The following CNTNAP2 variants were observed in gnomAD, a reference collection of about 807,000 sequenced individuals.
CNTNAP2 encodes the protein contactin associated protein 2.
Under a neutral mutation model 155.2 loss-of-function variants are expected in CNTNAP2, and 98 were observed. The observed-to-expected ratio is 0.63, with a 90% CI of 0.54 to 0.75. The LOEUF (loss-of-function observed/expected upper bound fraction) is 0.75, where lower values mean the gene tolerates loss of function less well. Among genes scored for constraint, CNTNAP2 ranks in the 30% least tolerant of loss-of-function variants. The pLI is 0.00. For missense variants in CNTNAP2, 1,727 were observed against 1,688.1 expected (o/e 1.02, Z -0.40); for synonymous variants, 651 against 631.2 (o/e 1.03, Z -0.47).
intron 10 of CNTNAP2, among the ~76,000 whole-genome samples, chr7:147,437,173 G>A (rs1279192191): frequency 3.9e-5 from 6 of 151,960 alleles, no homozygotes; most frequent in African/African-American, 1.5e-4. Flanking sequence ...AGGGATTGCT[G>A]ATATACTGTG....
chr7:147,320,757 A>G (rs1468802406), intron 9 of CNTNAP2, among the ~76,000 whole-genome samples: 1 of 152,200 alleles, frequency 6.6e-6, no homozygotes, highest in Non-Finnish European at 1.5e-5. Flanking sequence ...CTATTTTTCC[A>G]GTGCCTTTTG....
chr7:147,655,842 C>T (rs781689377), intron 13 of CNTNAP2, among the ~76,000 whole-genome samples: 1 of 152,178 alleles, frequency 6.6e-6, no homozygotes, highest in Non-Finnish European at 1.5e-5. Context: ...TGAAGCCAAG[C>T]GTTCACTTTT....
chr7:146,969,376 C>T, intron 3 of CNTNAP2, among the ~76,000 whole-genome samples: 1 of 151,988 alleles, frequency 6.6e-6, no homozygotes, highest in Non-Finnish European at 1.5e-5. Flanking sequence ...TGTTAACTTT[C>T]TGTCTTGTTG....
In CNTNAP2 at chr7:148,217,489, C is replaced by T; in HGVS notation, c.3212C>T (p.Thr1071Ile). 6.2e-7 allele frequency: 1 copy of T among 1,614,190 alleles called. No individual in the cohort carries two copies. Among genetic ancestry groups the T allele is most frequent in the South Asian group, 1.1e-5 (1 of 91,068 alleles). Reference sequence around the variant, plus strand: ...ATTCTCCTCTACATCAGCTCCTTCACCACAGACTTCTTGGCAGTCCTCGTC... The same window carrying T: ...ATTCTCCTCTACATCAGCTCCTTCATCACAGACTTCTTGGCAGTCCTCGTC... ...PCILLYISSFTTDFLAVLVKP... is the reference protein window; with the variant it reads ...PCILLYISSFITDFLAVLVKP... The change falls in exon 19 of 24, where the codon ACC becomes ATC. Residue 1071 changes from threonine to isoleucine, a missense_variant. Transcript: ENST00000361727.
chr7:147,731,971 G>T (rs1254017838), intron 13 of CNTNAP2, among the ~76,000 whole-genome samples: 1 of 152,152 alleles, frequency 6.6e-6, no homozygotes, highest in Non-Finnish European at 1.5e-5. Flanking sequence ...CTGAATTGCT[G>T]TAATTTCATG....
chr7:148,044,417 G>A (rs946195279), intron 15 of CNTNAP2, among the ~76,000 whole-genome samples: 16 of 152,126 alleles, frequency 1.1e-4, no homozygotes, highest in Admixed American at 2.0e-4. Context: ...GCCTTGTGGC[G>A]TGCTATAGTC....
At chr7:146,630,947 T>G (rs527833383) in intron 1 of CNTNAP2, among the ~76,000 whole-genome samples, 1 of 152,244 alleles carries the variant, frequency 6.6e-6, no homozygotes, top group South Asian at 2.1e-4. Flanking sequence ...TGCTCATAGA[T>G]AGGAAGAATC....
intron 21 of CNTNAP2, among the ~76,000 whole-genome samples, chr7:148,275,499 C>A (rs758235457): frequency 6.6e-6 from 1 of 152,188 alleles, no homozygotes; most frequent in Non-Finnish European, 1.5e-5. Context: ...CTGTGTGGCT[C>A]AAAACAGTAG....
intron 13 of CNTNAP2, among the ~76,000 whole-genome samples, chr7:147,806,128 A>G (rs1394696451): frequency 6.6e-6 from 1 of 152,224 alleles, no homozygotes; most frequent in Non-Finnish European, 1.5e-5. Flanking sequence ...ACCAGAACAT[A>G]TAAAGAACAC....
rs182604441 is a variant in CNTNAP2, at chr7:147,425,362, G to T, written c.1670+29582G>T. Among the ~76,000 whole-genome samples, 556 of 152,088 alleles carry T rather than the reference G, an allele frequency of 3.7e-3. 3 individuals are homozygous for T. The highest frequency in any genetic ancestry group is 0.012 in the African/African-American group (516 of 41,490). On this transcript the variant is annotated intron_variant, in intron 10 of 23. Transcript: ENST00000361727. ...GTTGTATTTGCAATATTACCATGGT[G>T]CTTTACTTACAGCCTCTCTCATTGT...
intron 1 of CNTNAP2, among the ~76,000 whole-genome samples, chr7:146,237,488 C>T (rs986058658): frequency 6.6e-5 from 10 of 152,136 alleles, no homozygotes; most frequent in African/African-American, 1.9e-4. Flanking sequence ...CTGATCAATC[C>T]GTAAGTTACA....
intron 12 of CNTNAP2, among the ~76,000 whole-genome samples, chr7:147,632,430 A>T (rs112301301): frequency 0.043 from 6,541 of 152,176 alleles, 487 homozygotes; most frequent in African/African-American, 0.15. Context: ...ATAGTAAGTT[A>T]GTTCTCACGA....
chr7:147,065,404 T>A (rs140595684), intron 4 of CNTNAP2, among the ~76,000 whole-genome samples: 10 of 152,316 alleles, frequency 6.6e-5, no homozygotes, highest in African/African-American at 2.4e-4. Context: ...AGTATGAGCC[T>A]ATTTGTTCTA....
intron 13 of CNTNAP2, among the ~76,000 whole-genome samples, chr7:147,801,259 C>T (rs1226047267): frequency 6.7e-6 from 1 of 148,724 alleles, no homozygotes; most frequent in Non-Finnish European, 1.5e-5. Flanking sequence ...AAACGTGTAT[C>T]ATGTATATGC....
At chr7:146,866,895 C>T (rs1051939196) in intron 3 of CNTNAP2, among the ~76,000 whole-genome samples, 10 of 151,958 alleles carry the variant, frequency 6.6e-5, no homozygotes, top group Admixed American at 1.3e-4. Flanking sequence ...AACATAACTT[C>T]GATAGGGTCT....
At chr7:146,804,404 AC>A (rs1802932272) in intron 2 of CNTNAP2, among the ~76,000 whole-genome samples, 1 of 152,040 alleles carries the variant, frequency 6.6e-6, no homozygotes, top group Admixed American at 6.6e-5. Context: ...TTCTTGCTAA[AC>A]TCTGTGGTTG....
At chr7:146,344,735 C>T (rs1794794277) in intron 1 of CNTNAP2, among the ~76,000 whole-genome samples, 1 of 152,144 alleles carries the variant, frequency 6.6e-6, no homozygotes, top group African/African-American at 2.4e-5. Context: ...ACCTCGGCCT[C>T]CCAAAGTGCT....
intron 1 of CNTNAP2, among the ~76,000 whole-genome samples, chr7:146,525,210 A>T (rs1797671145): frequency 6.6e-6 from 1 of 152,110 alleles, no homozygotes; most frequent in Non-Finnish European, 1.5e-5. Context: ...GTGTGTATAG[A>T]TTAAAGCTCC....
intron 13 of CNTNAP2, among the ~76,000 whole-genome samples, chr7:147,864,151 G>T (rs1584998415): frequency 6.6e-6 from 1 of 152,120 alleles, no homozygotes; most frequent in African/African-American, 2.4e-5. Context: ...CATATGGCTA[G>T]CCAGTTTTCC....
Sources: gnomAD v4.1 joint callset for allele counts (sites outside exome capture counted in the v4.1 genomes callset) on GRCh38, gnomAD v4.1.1 for gene constraint, MANE v1.5 for transcripts, NCBI Gene and HGNC (gene_info 2026-07-23, HGNC 2026-07-21) for gene names.